The following MPDZ variants were observed in gnomAD, a reference collection of about 807,000 sequenced individuals.
MPDZ encodes the protein multiple PDZ domain protein.
Under a neutral mutation model 239.1 loss-of-function variants are expected in MPDZ, and 234 were observed. That is an observed-to-expected ratio of 0.98 (90% confidence interval 0.88 to 1.09). The LOEUF (loss-of-function observed/expected upper bound fraction) is 1.09. Among genes scored for constraint, MPDZ ranks in the 50% least tolerant of loss-of-function variants. The pLI is 0.00. For missense variants in MPDZ, 3,175 were observed against 2,510.0 expected (o/e 1.26, Z -5.66); for synonymous variants, 1,048 against 881.3 (o/e 1.19, Z -3.35).
intron 1 of MPDZ, among the ~76,000 whole-genome samples, chr9:13,275,364 G>A (rs1973928114): frequency 6.6e-6 from 1 of 152,118 alleles, no homozygotes; most frequent in African/African-American, 2.4e-5. Context: ...GAAGAAACAG[G>A]GAGAACTCAG....
rs1188315672 is a variant in MPDZ, at chr9:13,123,198, T to C, written c.4908A>G (p.Arg1636=). 1.2e-6 allele frequency: 2 copies of C among 1,613,124 alleles called. No homozygotes were observed. Among genetic ancestry groups the C allele is most frequent in the Non-Finnish European group, 1.7e-6 (2 of 1,179,830 alleles). The change falls in exon 36 of 47, where the codon CGA becomes CGG. Residue 1636 remains arginine (R), a synonymous_variant. Coordinates refer to ENST00000319217, the MANE Select transcript of MPDZ (RefSeq NM_001378778.1). ...CETTIEISKG[R]TGLGLSIVGG... ...CAACGATGCTCAGGCCCAGCCCTGT[T>C]CGCCCTTTGGAAATCTCGATGGTTG...
chr9:13,190,937 A>T (rs1412106), intron 15 of MPDZ, among the ~76,000 whole-genome samples: 148,440 of 152,222 alleles, frequency 0.98, 72,433 homozygotes, highest in East Asian at 1. Flanking sequence ...GAAGTAACAT[A>T]TATAAAGCAT....
chr9:13,270,985 G>A (rs1398335623), intron 1 of MPDZ, among the ~76,000 whole-genome samples: 2 of 152,142 alleles, frequency 1.3e-5, no homozygotes, highest in African/African-American at 2.4e-5. Flanking sequence ...TATTTAGCAA[G>A]CAGTCAAAAT....
At chr9:13,215,158 C>T (rs1437023815) in intron 10 of MPDZ, among the ~76,000 whole-genome samples, 2 of 151,864 alleles carry the variant, frequency 1.3e-5, no homozygotes, top group African/African-American at 4.8e-5. Flanking sequence ...AGCCACTAAT[C>T]TACTTTGTGT....
chr9:13,126,646 A>G, intron 33 of MPDZ, 34 bp downstream of exon 33: 2 of 1,612,022 alleles, frequency 1.2e-6, no homozygotes, highest in South Asian at 1.1e-5. Flanking sequence ...TCCCTCCCCA[A>G]CTACTTAATG....
At chr9:13,214,890 T>G (rs1172577056) in intron 10 of MPDZ, among the ~76,000 whole-genome samples, 3 of 151,874 alleles carry the variant, frequency 2.0e-5, no homozygotes, top group African/African-American at 4.8e-5. Flanking sequence ...GGTAGGAGTT[T>G]CACAGAACAA....
At chr9:13,130,966 G>A (rs1945906710) in intron 32 of MPDZ, among the ~76,000 whole-genome samples, 1 of 152,166 alleles carries the variant, frequency 6.6e-6, no homozygotes, top group African/African-American at 2.4e-5. Flanking sequence ...CTACTATTTG[G>A]AGTTATGGGA....
chr9:13,155,586 A>G (rs1047643671), intron 24 of MPDZ, among the ~76,000 whole-genome samples: 2 of 152,196 alleles, frequency 1.3e-5, no homozygotes, highest in African/African-American at 4.8e-5. Context: ...TACATGTAGT[A>G]GTATATCAAT....
At chr9:13,256,591 C>T (rs1293339951) in intron 1 of MPDZ, among the ~76,000 whole-genome samples, 4 of 152,132 alleles carry the variant, frequency 2.6e-5, no homozygotes, top group Non-Finnish European at 4.4e-5. Context: ...AGAGAGGCCT[C>T]AGAAGAGGGA....
intron 38 of MPDZ, among the ~76,000 whole-genome samples, chr9:13,121,323 C>T (rs953606619): frequency 6.6e-6 from 1 of 152,126 alleles, no homozygotes; most frequent in Non-Finnish European, 1.5e-5. Flanking sequence ...CACTTGGTCC[C>T]TTTCTCCTTT....
chr9:13,111,350 T>C (rs899172598), intron 43 of MPDZ, among the ~76,000 whole-genome samples: 2 of 152,210 alleles, frequency 1.3e-5, no homozygotes. Context: ...GCCATAAATT[T>C]GGATATCAAA....
chr9:13,254,473 G>C (rs1588140678), intron 1 of MPDZ, among the ~76,000 whole-genome samples: 1 of 152,074 alleles, frequency 6.6e-6, no homozygotes, highest in African/African-American at 2.4e-5. Context: ...GTATATTGTT[G>C]TAATTGTTCA....
At chr9:13,205,015 A>G in intron 12 of MPDZ, 21 bp downstream of exon 12, 1 of 1,397,028 alleles carries the variant, frequency 7.2e-7, no homozygotes, top group Non-Finnish European at 9.4e-7. Flanking sequence ...AGTACACAAT[A>G]AGCTGGCGCT....
intron 21 of MPDZ, among the ~76,000 whole-genome samples, chr9:13,172,672 C>A (rs1199669196): frequency 2.6e-5 from 4 of 152,086 alleles, no homozygotes; most frequent in Non-Finnish European, 5.9e-5. Flanking sequence ...CAGGCGTGAG[C>A]CACCGCGCCC....
intron 18 of MPDZ, among the ~76,000 whole-genome samples, chr9:13,184,817 A>C (rs1379417420): frequency 2.0e-5 from 3 of 152,006 alleles, no homozygotes; most frequent in Non-Finnish European, 2.9e-5. Flanking sequence ...GTAGAGATAA[A>C]ACACTAAGAC....
At position 13,188,720 on chromosome 9, in the gene MPDZ, A is replaced by G. The variant is rs542775252; in HGVS notation, c.2364+64T>C. The G allele has an allele frequency of 3.9e-4, 559 of 1,449,358 alleles. 4 individuals carry two copies. Among genetic ancestry groups the G allele is most frequent in the South Asian group, 2.8e-3 (213 of 75,016 alleles). The allele number at this position is 1,449,358 out of a possible 1,614,324, so 89.8% of individuals were successfully genotyped here. A position where few individuals can be genotyped will look rare whatever the true frequency, so the allele number is the denominator to read the frequency against. On this transcript the variant is annotated intron_variant, in intron 17 of 46. Transcript: ENST00000319217. ...CAATCATGAGAACACCTAAAGCGAA[A>G]AGTAGACCTATGAACCATTTTGCTT...
chr9:13,219,137 T>C (rs1283338655), intron 8 of MPDZ, among the ~76,000 whole-genome samples: 5 of 151,776 alleles, frequency 3.3e-5, no homozygotes, highest in African/African-American at 7.3e-5. Flanking sequence ...CCTCCACACA[T>C]TCAAAACAAA....
chr9:13,222,232 C>T lies in MPDZ; in HGVS notation c.747+1G>A, dbSNP rs1959174597. ...TCCTTTTGAAAATTTTAGGTACTCA[C>T]CGGATTAGAGTGAGCTGAAATTGTG... On this transcript the variant is annotated splice_donor_variant, in intron 6 of 46. Coordinates refer to ENST00000319217, the MANE Select transcript of MPDZ (RefSeq NM_001378778.1). LOFTEE classifies it high-confidence loss of function. 1.2e-6 allele frequency: 2 copies of T among 1,608,470 alleles called. No individual in the cohort carries two copies. Among genetic ancestry groups the T allele is most frequent in the Non-Finnish European group, 1.7e-6 (2 of 1,177,074 alleles).
At chr9:13,108,003 T>C (rs1471592948) in intron 46 of MPDZ, among the ~76,000 whole-genome samples, 1 of 152,118 alleles carries the variant, frequency 6.6e-6, no homozygotes, top group Admixed American at 6.6e-5. Context: ...AAAAATCTTA[T>C]AAATTAAGCC....
Sources: allele counts gnomAD v4.1 joint callset (sites outside exome capture counted in the v4.1 genomes callset), GRCh38; gene constraint gnomAD v4.1.1; transcripts MANE v1.5; gene names NCBI Gene and HGNC (gene_info 2026-07-23, HGNC 2026-07-21).